Variants in ENTREP1 observed in about 807,000 individuals in gnomAD.
ENTREP1 encodes the protein endosomal transmembrane epsin interactor 1.
chr9:69,339,070 A>T, the ENTREP1 span, among the ~76,000 whole-genome samples: 10 of 151,950 alleles, frequency 6.6e-5, no homozygotes, highest in Non-Finnish European at 1.3e-4. Context: ...CCCAGGCTGG[A>T]GTGTGGTGGC....
At chr9:69,325,327 G>T in the ENTREP1 span, 1 of 1,184,526 alleles carries the variant, frequency 8.4e-7, no homozygotes, top group Non-Finnish European at 1.0e-6. Flanking sequence ...TGCCCGTGGT[G>T]CTCCCGGGCT....
the ENTREP1 span, among the ~76,000 whole-genome samples, chr9:69,340,591 GTGCA>G: frequency 4.0e-5 from 6 of 148,848 alleles, no homozygotes; most frequent in South Asian, 2.2e-4. Flanking sequence ...GGAAGTATGT[GTGCA>G]TGCATGTGTG....
chr9:69,387,933 A>C, the ENTREP1 span: 15 of 1,498,156 alleles, frequency 1.0e-5, no homozygotes, highest in Non-Finnish European at 1.3e-5. Context: ...GGTGTCGTAC[A>C]TGACACAATG....
the ENTREP1 span, among the ~76,000 whole-genome samples, chr9:69,338,056 T>G: frequency 6.6e-6 from 1 of 152,212 alleles, no homozygotes; most frequent in East Asian, 1.9e-4. Flanking sequence ...CTGAAGTGTT[T>G]TTAGGCCCAC....
chr9:69,350,779 A>G, the ENTREP1 span, among the ~76,000 whole-genome samples: 1 of 152,160 alleles, frequency 6.6e-6, no homozygotes, highest in African/African-American at 2.4e-5. Flanking sequence ...CTTCCAAAAA[A>G]TGAAGTCATT....
chr9:69,379,706 A>G, the ENTREP1 span: 1 of 152,224 alleles, frequency 6.6e-6, no homozygotes, highest in African/African-American at 2.4e-5. Context: ...ACCCTCTCCA[A>G]TAAGAAGAAT....
the ENTREP1 span, among the ~76,000 whole-genome samples, chr9:69,361,196 C>A: frequency 6.6e-6 from 1 of 152,252 alleles, no homozygotes; most frequent in Non-Finnish European, 1.5e-5. Context: ...AATTTTTATA[C>A]ATGTATACAC....
chr9:69,366,937 G>T, the ENTREP1 span, among the ~76,000 whole-genome samples: 290 of 151,946 alleles, frequency 1.9e-3, 1 homozygote, highest in Non-Finnish European at 3.1e-3. Flanking sequence ...TTTATTTTGA[G>T]ACAGGTTGTT....
chr9:69,375,901 A>C, the ENTREP1 span: 2 of 1,585,846 alleles, frequency 1.3e-6, no homozygotes, highest in South Asian at 1.2e-5. Flanking sequence ...CGGTAAATAC[A>C]CCACGGAGCC....
the ENTREP1 span, among the ~76,000 whole-genome samples, chr9:69,340,610 TGCA>T: frequency 7.0e-6 from 1 of 143,176 alleles, no homozygotes; most frequent in African/African-American, 2.7e-5. Flanking sequence ...TGTGTGTGTG[TGCA>T]TGTGTGTGTG....
At chr9:69,342,837 G>A in the ENTREP1 span, among the ~76,000 whole-genome samples, 4 of 152,372 alleles carry the variant, frequency 2.6e-5, no homozygotes, top group East Asian at 3.9e-4. Context: ...GCTTCTCTGT[G>A]ATCACAGTGC....
the ENTREP1 span, among the ~76,000 whole-genome samples, chr9:69,364,479 T>C: frequency 2.0e-5 from 3 of 152,110 alleles, no homozygotes; most frequent in Admixed American, 2.0e-4. Flanking sequence ...TCTTTGTGAC[T>C]ATAATGTGCT....
At chr9:69,377,601 G>A in the ENTREP1 span, 3 of 1,613,594 alleles carry the variant, frequency 1.9e-6, no homozygotes, top group African/African-American at 1.3e-5. Flanking sequence ...CTGAGCTGCT[G>A]TTTAATCAGG....
At chr9:69,371,337 G>C in the ENTREP1 span, 1 of 711,552 alleles carries the variant, frequency 1.4e-6, no homozygotes, top group Non-Finnish European at 2.6e-6. Context: ...ATTTTAAGAA[G>C]TCTAAAATGT....
the ENTREP1 span, chr9:69,379,694 A>G: frequency 6.6e-6 from 1 of 152,228 alleles, no homozygotes; most frequent in Non-Finnish European, 1.5e-5. Flanking sequence ...GGGATGAGAA[A>G]TACCCTCTCC....
At chr9:69,362,091 C>T in the ENTREP1 span, among the ~76,000 whole-genome samples, 1 of 152,062 alleles carries the variant, frequency 6.6e-6, no homozygotes, top group Non-Finnish European at 1.5e-5. Context: ...TTCTGCCTTC[C>T]CACGGTTACT....
At chr9:69,357,619 G>A in the ENTREP1 span, among the ~76,000 whole-genome samples, 1 of 152,094 alleles carries the variant, frequency 6.6e-6, no homozygotes, top group Admixed American at 6.6e-5. Context: ...CTGGGAGTAG[G>A]TTCTGTTGGG....
chr9:69,381,578 C>T, the ENTREP1 span: 1 of 152,132 alleles, frequency 6.6e-6, no homozygotes, highest in Non-Finnish European at 1.5e-5. Flanking sequence ...TTCAGAACCT[C>T]CCAAGGTGAT....
chr9:69,376,856 A>G, the ENTREP1 span, among the ~76,000 whole-genome samples: 7 of 152,284 alleles, frequency 4.6e-5, no homozygotes, highest in South Asian at 4.1e-4. Context: ...GAGAAGTCCT[A>G]TTTACACTCT....
Sources: gnomAD v4.1 joint callset for allele counts (sites outside exome capture counted in the v4.1 genomes callset) on GRCh38, gnomAD v4.1.1 for gene constraint, MANE v1.5 for transcripts, NCBI Gene and HGNC (gene_info 2026-07-23, HGNC 2026-07-21) for gene names.